Variants in ANGPTL1 observed in about 807,000 individuals in gnomAD.
The protein encoded by ANGPTL1 is angiopoietin like 1.
ANGPTL1 carries 36 observed loss-of-function variants against 46.7 expected under a neutral mutation model. That is an observed-to-expected ratio of 0.77 (90% CI 0.59 to 1.02). The LOEUF is 1.02. ANGPTL1 is among the 50% of genes least tolerant of loss of function. ANGPTL1 has a pLI of 0.00. For synonymous variants in ANGPTL1, 221 were observed against 204.3 expected (o/e 1.08, Z -0.69); for missense variants, 571 against 594.7 (o/e 0.96, Z 0.41).
At chr1:178,860,596 C>T (rs560166666) in intron 3 of ANGPTL1, among the ~76,000 whole-genome samples, 1 of 152,274 alleles carries the variant, frequency 6.6e-6, no homozygotes, top group East Asian at 1.9e-4. Context: ...AACAACTCCC[C>T]ATTCACCCTC....
chr1:178,867,758 T>G (rs1166871896), intron 2 of ANGPTL1, among the ~76,000 whole-genome samples: 2 of 152,048 alleles, frequency 1.3e-5, no homozygotes, highest in African/African-American at 4.8e-5. Flanking sequence ...GCAATTTCTT[T>G]CCTTCTGTAT....
At chr1:178,863,058 A>G (rs531619950) in intron 3 of ANGPTL1, among the ~76,000 whole-genome samples, 15 of 152,308 alleles carry the variant, frequency 9.8e-5, no homozygotes, top group African/African-American at 3.6e-4. Flanking sequence ...AGGTAAGGAA[A>G]CTGAGGCACA....
chr1:178,853,039 C>T, intron 4 of ANGPTL1, 86 bp from the exon 5 acceptor site: 1 of 1,494,580 alleles, frequency 6.7e-7, no homozygotes, highest in Non-Finnish European at 8.9e-7. Flanking sequence ...CATTCGATAG[C>T]ATAAAGATAC....
At chr1:178,864,519 A>G (rs1353432109) in intron 3 of ANGPTL1, among the ~76,000 whole-genome samples, 1 of 152,210 alleles carries the variant, frequency 6.6e-6, no homozygotes, top group African/African-American at 2.4e-5. Context: ...GCTTGAAGAG[A>G]GTGAAAGCAA....
Position 178,864,739 on chromosome 1 carries a change from C to T in ANGPTL1, c.823+215G>A, listed in dbSNP as rs60003104. Among the ~76,000 whole-genome samples the T allele has an allele frequency of 3.3e-4, 50 of 152,070 alleles. 1 individual carries two copies. The East Asian group carries it at 9.5e-3, about 29-fold the overall frequency. ...TTGGATGGAAGACTGGTTTTTTTCA[C>T]AGAATACATTAAGTTTTTATAAACT... On this transcript the variant is annotated intron_variant, in intron 3 of 5. Coordinates refer to ENST00000234816, the MANE Select transcript of ANGPTL1 (RefSeq NM_004673.4).
chr1:178,859,825 C>CT (rs1296111751), intron 3 of ANGPTL1, among the ~76,000 whole-genome samples: 1 of 70,898 alleles, frequency 1.4e-5, no homozygotes, highest in East Asian at 4.6e-4. Context: ...TGCCCGCCCC[C>CT]CCCCCCCCAA....
In ANGPTL1 at chr1:178,853,672, C is replaced by G. The variant is rs759887966; in HGVS notation, c.939G>C (p.Leu313Phe). 1 of 1,612,886 alleles carries G rather than the reference C, an allele frequency of 6.2e-7. No individual in the cohort carries two copies. The highest frequency in any genetic ancestry group is 1.1e-5 in the South Asian group (1 of 90,930). ...GPMQLWCENS[L>F]DPGGWTVIQK... ...GAATAACAGTCCAACCCCCAGGGTCCAAACTGTTTTCACACCATAACTGCA... is the reference window on the plus strand; with the variant it reads ...GAATAACAGTCCAACCCCCAGGGTCGAAACTGTTTTCACACCATAACTGCA... The change falls in exon 4 of 6, where the codon TTG becomes TTC. Residue 313 changes from leucine (L) to phenylalanine (F), a missense_variant. By Grantham distance (22) the Leu-to-Phe change is conservative. Coordinates refer to ENST00000234816, the MANE Select transcript of ANGPTL1 (RefSeq NM_004673.4).
chr1:178,851,817 T>G lies in ANGPTL1; in HGVS notation c.1289-501A>C, dbSNP rs201841672. On this transcript the variant is annotated intron_variant, in intron 5 of 5. Coordinates refer to ENST00000234816, the MANE Select transcript of ANGPTL1 (RefSeq NM_004673.4). ...TGTAAAATTGGTTAAAATAGAGACC[T>G]GTGTGCTGTTTGCCAAAATACAGCT... 1.4e-4 allele frequency among the ~76,000 whole-genome samples: 21 copies of G among 152,262 alleles called. No homozygotes were observed. The East Asian group carries it at 1.9e-3, about 14-fold the overall frequency.
chr1:178,865,584 A>G lies in ANGPTL1; in HGVS notation c.193T>C (p.Cys65Arg), dbSNP rs1361630196. 1.2e-6 allele frequency: 2 copies of G among 1,613,972 alleles called. No homozygotes were observed. Among genetic ancestry groups the G allele is most frequent in the Non-Finnish European group, 1.7e-6 (2 of 1,179,992 alleles). Residue 65 changes from cysteine (C) to arginine (R), a missense_variant, in exon 3 of 6, where the codon TGT (cysteine) becomes CGT (arginine). Transcript: ENST00000234816. ...GCATCTTGCCCCTTGGTGTTGACAC[A>G]GATTGGCCCTGTTATTCTTTGTTCA... ...VPEQRITGPI[C>R]VNTKGQDAST...
chr1:178,861,415 C>T (rs915565690), intron 3 of ANGPTL1, among the ~76,000 whole-genome samples: 1 of 151,262 alleles, frequency 6.6e-6, no homozygotes, highest in African/African-American at 2.4e-5. Flanking sequence ...CATACTAAAT[C>T]CCTAATATGA....
chr1:178,855,988 A>C (rs1657513222), intron 3 of ANGPTL1, among the ~76,000 whole-genome samples: 1 of 148,810 alleles, frequency 6.7e-6, no homozygotes, highest in Non-Finnish European at 1.5e-5. Context: ...TAATATATAT[A>C]AGAACAAAAT....
At chr1:178,867,180 T>G (rs1385583736) in intron 2 of ANGPTL1, among the ~76,000 whole-genome samples, 1 of 152,128 alleles carries the variant, frequency 6.6e-6, no homozygotes, top group African/African-American at 2.4e-5. Flanking sequence ...TAATTAATAT[T>G]TATTGAGTGC....
At position 178,849,986 on chromosome 1, in the gene ANGPTL1, C is replaced by A. The variant is rs1657069464; in HGVS notation, c.*1143G>T. 1 of 152,530 alleles carries A rather than the reference C, an allele frequency of 6.6e-6. No individual in the cohort carries two copies. Among genetic ancestry groups the A allele is most frequent in the African/African-American group, 2.4e-5 (1 of 41,422 alleles). 9.4% of individuals were successfully genotyped at this position (152,530 alleles called of 1,614,324 possible). ...ATGTATTCCTGAAAGGAAATTGTTC[C>A]AGAAAGTCACTAGTAAAGTTGTTGA... On this transcript the variant is annotated 3_prime_UTR_variant, in exon 6 of 6. Coordinates refer to ENST00000234816, the MANE Select transcript of ANGPTL1 (RefSeq NM_004673.4).
intron 1 of ANGPTL1, among the ~76,000 whole-genome samples, chr1:178,870,203 C>T (rs1658663014): frequency 6.6e-6 from 1 of 152,070 alleles, no homozygotes; most frequent in Admixed American, 6.6e-5. Context: ...AGAATTTCTG[C>T]TTAATATTTG....
In ANGPTL1 at chr1:178,850,972, A is replaced by T. The variant is rs1657135326; in HGVS notation, c.*157T>A. ...GCAGTAATTGACGACAGATGAAACT[A>T]CATTTATAGGTTCCCTTTTATAGTT... On this transcript the variant is annotated 3_prime_UTR_variant, in exon 6 of 6. Coordinates refer to ENST00000234816, the MANE Select transcript of ANGPTL1 (RefSeq NM_004673.4). 5.0e-6 allele frequency: 3 copies of T among 598,414 alleles called. No individual in the cohort carries two copies. The highest frequency in any genetic ancestry group is 7.7e-6 in the Non-Finnish European group (3 of 387,706). 37.1% of individuals were successfully genotyped at this position (598,414 alleles called of 1,614,324 possible). A position where few individuals can be genotyped will look rare whatever the true frequency, so the allele number is the denominator to read the frequency against.
intron 3 of ANGPTL1, 114 bp from the exon 4 acceptor site, chr1:178,853,901 T>C (rs1428203269): frequency 1.5e-6 from 1 of 684,196 alleles, no homozygotes; most frequent in East Asian, 3.2e-5. Context: ...CCATTGTTTA[T>C]CATATATACA....
chr1:178,867,929 G>A (rs1658520918), intron 2 of ANGPTL1, among the ~76,000 whole-genome samples: 2 of 151,806 alleles, frequency 1.3e-5, no homozygotes, highest in South Asian at 4.2e-4. Flanking sequence ...TTTTTCAATT[G>A]AATAGTGTCT....
chr1:178,857,054 A>G (rs1236818841), intron 3 of ANGPTL1, among the ~76,000 whole-genome samples: 1 of 152,200 alleles, frequency 6.6e-6, no homozygotes, highest in East Asian at 1.9e-4. Context: ...ATTGTAGTCA[A>G]GTAGGAAGGA....
chr1:178,870,414 A>T (rs114040281), intron 1 of ANGPTL1, among the ~76,000 whole-genome samples: 192 of 152,284 alleles, frequency 1.3e-3, no homozygotes, highest in African/African-American at 4.3e-3. Flanking sequence ...TGTAAGCCTT[A>T]TACATTTAAT....
Sources: gnomAD v4.1 joint callset for allele counts (sites outside exome capture counted in the v4.1 genomes callset) on GRCh38, gnomAD v4.1.1 for gene constraint, MANE v1.5 for transcripts, NCBI Gene and HGNC (gene_info 2026-07-23, HGNC 2026-07-21) for gene names.